TBC1D32: variants seen among roughly 807,000 people sequenced by gnomAD.
TBC1D32 encodes TBC1 domain family member 32.
A neutral mutation model predicts 170.3 loss-of-function variants in TBC1D32; 151 were observed. The observed-to-expected ratio is 0.89, with a 90% CI of 0.78 to 1.01. The LOEUF is 1.01. Ranked by LOEUF, TBC1D32 falls within the 50% of genes least tolerant of loss-of-function variation. The pLI is 0.00. For synonymous variants in TBC1D32, 498 were observed against 488.0 expected, an observed-to-expected ratio of 1.02 and a Z score of -0.27; for missense variants, 1,464 against 1,457.1, an observed-to-expected ratio of 1.00 and a Z score of -0.08.
intron 19 of TBC1D32, among the ~76,000 whole-genome samples, chr6:121,240,759 C>T (rs1796872862): frequency 6.6e-6 from 1 of 151,322 alleles, no homozygotes; most frequent in East Asian, 2.0e-4. Context: ...GTGGTGGTGG[C>T]CTCCTGTAAT....
At chr6:121,219,576 G>T (rs1056473951) in intron 21 of TBC1D32, among the ~76,000 whole-genome samples, 22 of 152,072 alleles carry the variant, frequency 1.4e-4, no homozygotes, top group African/African-American at 4.6e-4. Flanking sequence ...ATTTTCACTG[G>T]ATCCGTATAA....
chr6:121,262,010 T>A lies in TBC1D32; in HGVS notation c.1734-5725A>T, dbSNP rs1042880527. Among the ~76,000 whole-genome samples, 7 of 152,060 alleles carry A rather than the reference T, an allele frequency of 4.6e-5. No individual in the cohort carries two copies. The East Asian group carries it at 1.4e-3, about 29-fold the overall frequency. On this transcript the variant is annotated intron_variant, in intron 15 of 31. Coordinates refer to ENST00000398212, the MANE Select transcript of TBC1D32 (RefSeq NM_152730.6). ...TCATACACAAGAATCAATAGCCAAATCAATCAAGTGGAAGAAAAAATACCA... is the reference window on the plus strand; with the variant it reads ...TCATACACAAGAATCAATAGCCAAAACAATCAAGTGGAAGAAAAAATACCA...
intron 21 of TBC1D32, among the ~76,000 whole-genome samples, chr6:121,210,486 T>A (rs1045754069): frequency 2.0e-5 from 3 of 152,146 alleles, no homozygotes; most frequent in Non-Finnish European, 4.4e-5. Flanking sequence ...CTGGAATATA[T>A]TACACGTGAA....
chr6:121,202,630 T>C (rs1339666914), intron 22 of TBC1D32, among the ~76,000 whole-genome samples: 1 of 151,218 alleles, frequency 6.6e-6, no homozygotes, highest in Non-Finnish European at 1.5e-5. Flanking sequence ...CAAGGATATT[T>C]CTTTGGGTGG....
chr6:121,256,323 T>TA, intron 15 of TBC1D32, 38 bp from the exon 16 acceptor site: 1 of 1,528,668 alleles, frequency 6.5e-7, no homozygotes, highest in Non-Finnish European at 8.9e-7. Context: ...CAAGGTTATA[T>TA]TAATCTTGAC....
At chr6:121,321,468 C>G (rs1052267789) in intron 2 of TBC1D32, among the ~76,000 whole-genome samples, 165 bp downstream of exon 2, 1 of 152,042 alleles carries the variant, frequency 6.6e-6, no homozygotes, top group African/African-American at 2.4e-5. Context: ...AGATGCGAAG[C>G]CTTTGGAGAG....
chr6:121,223,417 T>A, intron 20 of TBC1D32, 65 bp from the exon 21 acceptor site: 1 of 1,045,278 alleles, frequency 9.6e-7, no homozygotes, highest in Admixed American at 2.3e-5. Flanking sequence ...TGGAGAGTCA[T>A]TAATGTAGTT....
intron 5 of TBC1D32, among the ~76,000 whole-genome samples, chr6:121,305,064 C>T (rs749682868): frequency 7.9e-5 from 12 of 152,036 alleles, no homozygotes; most frequent in Non-Finnish European, 1.2e-4. Context: ...ACTGCACAAT[C>T]CGGTCATAGT....
intron 31 of TBC1D32, among the ~76,000 whole-genome samples, chr6:121,085,364 T>TATATAC (rs2128170150): frequency 7.4e-6 from 1 of 135,450 alleles, no homozygotes; most frequent in Admixed American, 7.5e-5. Context: ...TATATACATA[T>TATATAC]ATATATGTGT....
intron 9 of TBC1D32, 65 bp downstream of exon 9, chr6:121,303,552 T>A: frequency 1.6e-6 from 2 of 1,243,044 alleles, no homozygotes; most frequent in Non-Finnish European, 2.1e-6. Context: ...ATTCAAACAT[T>A]AACTATTTAT....
At chr6:121,085,266 T>TATAC (rs1776092551) in intron 31 of TBC1D32, among the ~76,000 whole-genome samples, 1 of 137,124 alleles carries the variant, frequency 7.3e-6, no homozygotes, top group African/African-American at 3.0e-5. Flanking sequence ...TACACATATA[T>TATAC]ACATATATAC....
At chr6:121,266,057 G>A (rs1800434922) in intron 15 of TBC1D32, among the ~76,000 whole-genome samples, 1 of 152,054 alleles carries the variant, frequency 6.6e-6, no homozygotes, top group Non-Finnish European at 1.5e-5. Flanking sequence ...TGCAACAAAA[G>A]CTAAAACTGA....
chr6:121,286,063 C>A (rs1803763062), intron 12 of TBC1D32, among the ~76,000 whole-genome samples: 1 of 152,122 alleles, frequency 6.6e-6, no homozygotes, highest in South Asian at 2.1e-4. Flanking sequence ...AAACTGGAAA[C>A]TCTAAAAATC....
At chr6:121,124,271 T>C (rs1376937537) in intron 26 of TBC1D32, among the ~76,000 whole-genome samples, 2 of 152,126 alleles carry the variant, frequency 1.3e-5, no homozygotes, top group Non-Finnish European at 2.9e-5. Flanking sequence ...TTCTCCTTCA[T>C]TTCTTAAGGA....
intron 21 of TBC1D32, among the ~76,000 whole-genome samples, chr6:121,205,968 T>G (rs1009106371): frequency 1.3e-5 from 2 of 152,010 alleles, no homozygotes; most frequent in Non-Finnish European, 2.9e-5. Context: ...TCCCAGCACT[T>G]TGGGAGGCCG....
intron 17 of TBC1D32, among the ~76,000 whole-genome samples, chr6:121,242,761 ATCTCTTT>A (rs1280986033): frequency 6.6e-6 from 1 of 152,054 alleles, no homozygotes; most frequent in Non-Finnish European, 1.5e-5. Context: ...GATAGATATT[ATCTCTTT>A]TCGATTTTCA....
At chr6:121,255,436 T>C (rs771388492) in intron 16 of TBC1D32, 26 bp from the exon 17 acceptor site, 3 of 1,090,432 alleles carry the variant, frequency 2.8e-6, no homozygotes, top group Admixed American at 2.1e-5. Flanking sequence ...ATAATTTATA[T>C]TGCTTACTGA....
At chr6:121,187,576 C>G (rs1789363472) in intron 22 of TBC1D32, among the ~76,000 whole-genome samples, 1 of 152,004 alleles carries the variant, frequency 6.6e-6, no homozygotes, top group Non-Finnish European at 1.5e-5. Context: ...CCCATTCCCA[C>G]CTTGAAAAAC....
intron 17 of TBC1D32, among the ~76,000 whole-genome samples, chr6:121,254,421 G>T (rs1472943954): frequency 6.6e-6 from 1 of 151,864 alleles, no homozygotes; most frequent in Non-Finnish European, 1.5e-5. Context: ...AATTAAAAAT[G>T]AAAATTAATT....
Sources: allele counts gnomAD v4.1 joint callset (sites outside exome capture counted in the v4.1 genomes callset), GRCh38; gene constraint gnomAD v4.1.1; transcripts MANE v1.5; gene names NCBI Gene and HGNC (gene_info 2026-07-23, HGNC 2026-07-21).